Variants in RYK observed in about 807,000 individuals in gnomAD.
RYK encodes the protein receptor like tyrosine kinase, also known as inactive tyrosine-protein kinase RYK.
A neutral mutation model predicts 70.2 loss-of-function variants in RYK; 21 were observed. The observed-to-expected ratio is 0.30, with a 90% CI of 0.21 to 0.43. RYK has a LOEUF of 0.43. RYK is among the 20% of genes least tolerant of loss of function. The pLI, the probability that RYK is intolerant of heterozygous loss-of-function variation, is 1.00. For synonymous variants in RYK, 267 were observed against 278.0 expected, an observed-to-expected ratio of 0.96 and a Z score of 0.39; for missense variants, 604 against 753.3, an observed-to-expected ratio of 0.80 and a Z score of 2.32.
chr3:134,238,078 C>G (rs924619717), intron 1 of RYK, among the ~76,000 whole-genome samples: 1 of 152,148 alleles, frequency 6.6e-6, no homozygotes, highest in Non-Finnish European at 1.5e-5. Context: ...GTTTGTTCAT[C>G]AGAATGTAAT....
chr3:134,244,237 T>C (rs145797592), intron 1 of RYK, among the ~76,000 whole-genome samples: 120 of 152,304 alleles, frequency 7.9e-4, no homozygotes, highest in Non-Finnish European at 1.3e-3. Flanking sequence ...CCCAAGCTTC[T>C]GGCACTGCCC....
chr3:134,216,792 C>CAGAAAAAA (rs2014566101), intron 2 of RYK, among the ~76,000 whole-genome samples: 1 of 37,420 alleles, frequency 2.7e-5, no homozygotes, highest in African/African-American at 1.0e-4. Context: ...GACTCTGTCT[C>CAGAAAAAA]AAAAAAAAAA....
intron 13 of RYK, chr3:134,171,028 G>A (rs2012885567): frequency 1.3e-5 from 2 of 152,506 alleles, no homozygotes; most frequent in Admixed American, 6.5e-5. Flanking sequence ...TCTGGACAAA[G>A]GTGGAAGAGA....
intron 9 of RYK, among the ~76,000 whole-genome samples, chr3:134,183,561 A>C (rs2013368879): frequency 6.6e-6 from 1 of 152,206 alleles, no homozygotes; most frequent in Non-Finnish European, 1.5e-5. Context: ...AAAAAATTCC[A>C]CTACCTACTA....
intron 3 of RYK, 61 bp from the exon 4 acceptor site, chr3:134,209,890 A>C: frequency 1.7e-6 from 2 of 1,163,016 alleles, no homozygotes; most frequent in Non-Finnish European, 2.4e-6. Flanking sequence ...TAATGCCCCA[A>C]AATGATTCTT....
chr3:134,225,904 G>C (rs1270519905), intron 1 of RYK, among the ~76,000 whole-genome samples: 2 of 151,104 alleles, frequency 1.3e-5, no homozygotes, highest in South Asian at 2.1e-4. Context: ...TCACCAAATT[G>C]AGTGTGGACA....
intron 3 of RYK, 107 bp from the exon 4 acceptor site, chr3:134,209,936 A>G: frequency 1.1e-6 from 1 of 907,118 alleles, no homozygotes; most frequent in Non-Finnish European, 1.6e-6. Context: ...TTGCTGCAAG[A>G]AAACTAAAAG....
At chr3:134,165,486 T>G (rs571508673) in intron 13 of RYK, among the ~76,000 whole-genome samples, 24 of 152,294 alleles carry the variant, frequency 1.6e-4, no homozygotes, top group African/African-American at 5.5e-4. Context: ...AGCTATAGGT[T>G]TTTCTGTAGA....
chr3:134,197,125 C>T (rs1398275567), intron 6 of RYK, among the ~76,000 whole-genome samples: 1 of 152,216 alleles, frequency 6.6e-6, no homozygotes, highest in Admixed American at 6.5e-5. Flanking sequence ...GTTTCTCCAG[C>T]AACTCTGCGA....
intron 9 of RYK, among the ~76,000 whole-genome samples, chr3:134,186,319 T>C (rs992839940): frequency 6.6e-6 from 1 of 152,242 alleles, no homozygotes; most frequent in Non-Finnish European, 1.5e-5. Context: ...CAAACTCCAA[T>C]TTTCTGCTTA....
chr3:134,202,757 C>G lies in RYK; in HGVS notation c.761G>C (p.Ser254Thr). 1 of 1,612,832 alleles carries G rather than the reference C, an allele frequency of 6.2e-7. No homozygotes were observed. Residue 254 changes from serine (S) to threonine (T), a missense_variant, in exon 6 of 15, where the codon AGT (serine) becomes ACT (threonine). Around this residue, in one of 2 missense-constraint regions of RYK, gnomAD observed 466 missense variants for 535.9 expected, o/e 0.87. Transcript: ENST00000623711. ...AIILAVLHLH[S>T]MKRIELDDSI... Reference sequence around the variant, plus strand: ...GTCATCCAGTTCAATCCTTTTCATACTATGAAGGTGCAAAACAGCTAATAT... The same window carrying G: ...GTCATCCAGTTCAATCCTTTTCATAGTATGAAGGTGCAAAACAGCTAATAT...
intron 6 of RYK, among the ~76,000 whole-genome samples, chr3:134,202,295 C>T (rs1315632413): frequency 6.6e-6 from 1 of 152,200 alleles, no homozygotes; most frequent in Admixed American, 6.5e-5. Flanking sequence ...TTCTCCTTGA[C>T]TCTAATGTGT....
chr3:134,194,293 TATTATTACAA>T (rs1232885800), intron 7 of RYK, among the ~76,000 whole-genome samples: 1 of 152,238 alleles, frequency 6.6e-6, no homozygotes, highest in African/African-American at 2.4e-5. Context: ...TTAAATAATG[TATTATTACAA>T]ATTTGTGGAT....
intron 1 of RYK, among the ~76,000 whole-genome samples, chr3:134,240,113 A>G (rs2015284372): frequency 6.6e-6 from 1 of 152,224 alleles, no homozygotes; most frequent in South Asian, 2.1e-4. Context: ...TAGATATTTG[A>G]TATTTATAAA....
At chr3:134,170,224 T>C (rs993125690) in intron 13 of RYK, among the ~76,000 whole-genome samples, 1 of 152,118 alleles carries the variant, frequency 6.6e-6, no homozygotes, top group Non-Finnish European at 1.5e-5. Context: ...AAAAGAAAAA[T>C]GTGAGCACTT....
intron 1 of RYK, among the ~76,000 whole-genome samples, chr3:134,243,599 C>T (rs1258305528): frequency 6.6e-6 from 1 of 152,182 alleles, no homozygotes; most frequent in African/African-American, 2.4e-5. Context: ...ACCTCAGCCA[C>T]ATTAGATTTT....
chr3:134,191,493 C>T (rs1209293630), intron 8 of RYK, among the ~76,000 whole-genome samples: 1 of 152,164 alleles, frequency 6.6e-6, no homozygotes, highest in African/African-American at 2.4e-5. Context: ...CCATTCCTTC[C>T]GCTACAACCC....
chr3:134,194,966 A>G (rs1457702898), intron 7 of RYK, 116 bp downstream of exon 7: 2 of 679,762 alleles, frequency 2.9e-6, no homozygotes, highest in Non-Finnish European at 5.1e-6. Flanking sequence ...CTAATTTTGC[A>G]TACTTTAGAT....
At chr3:134,247,277 A>T (rs963171986) in intron 1 of RYK, among the ~76,000 whole-genome samples, 1 of 152,236 alleles carries the variant, frequency 6.6e-6, no homozygotes, top group Non-Finnish European at 1.5e-5. Context: ...GACTTATTCT[A>T]CATTGATTTA....
Sources: gnomAD v4.1 joint callset for allele counts (sites outside exome capture counted in the v4.1 genomes callset) on GRCh38, gnomAD v4.1.1 for gene constraint, gnomAD v4.1.1 regional missense constraint, MANE v1.5 for transcripts, NCBI Gene and HGNC (gene_info 2026-07-23, HGNC 2026-07-21) for gene names.